Variants in XKR9 observed in about 807,000 individuals in gnomAD.
XKR9 encodes XK-related protein 9.
A neutral mutation model predicts 32.0 loss-of-function variants in XKR9; 32 were observed. The observed-to-expected ratio is 1.00, with a 90% CI of 0.76 to 1.34. The LOEUF is 1.34. Among genes scored for constraint, XKR9 ranks in the 40% most tolerant of loss-of-function variants. XKR9 has a pLI of 0.00. For synonymous variants in XKR9, 168 were observed against 143.4 expected (o/e 1.17, Z -1.22); for missense variants, 546 against 429.7 (o/e 1.27, Z -2.39).
chr8:70,888,909 T>A, the XKR9 span, among the ~76,000 whole-genome samples: 1 of 152,058 alleles, frequency 6.6e-6, no homozygotes. Flanking sequence ...TTTGGTCTTT[T>A]TGCTCAGCAT....
chr8:71,011,787 CTGTT>C, the XKR9 span, among the ~76,000 whole-genome samples: 1 of 152,178 alleles, frequency 6.6e-6, no homozygotes, highest in Admixed American at 6.5e-5. Context: ...TGGGGGGAAA[CTGTT>C]TGCCAAAAAT....
the XKR9 span, among the ~76,000 whole-genome samples, chr8:70,877,917 C>A: frequency 6.6e-6 from 1 of 152,164 alleles, no homozygotes; most frequent in Non-Finnish European, 1.5e-5. Context: ...AGAGAAAGGT[C>A]GAGTTACTCA....
intron 2 of XKR9, among the ~76,000 whole-genome samples, chr8:70,776,106 A>C (rs1240052991): frequency 1.3e-5 from 2 of 152,062 alleles, no homozygotes; most frequent in Non-Finnish European, 2.9e-5. Flanking sequence ...GCCCTGTTTC[A>C]CAAAATCAGT....
the XKR9 span, among the ~76,000 whole-genome samples, chr8:71,004,463 A>G: frequency 6.6e-6 from 1 of 152,228 alleles, no homozygotes; most frequent in South Asian, 2.1e-4. Flanking sequence ...AAACAATTGT[A>G]AGATGGGCCA....
At chr8:70,997,904 G>A in the XKR9 span, among the ~76,000 whole-genome samples, 1 of 152,128 alleles carries the variant, frequency 6.6e-6, no homozygotes, top group Admixed American at 6.5e-5. Flanking sequence ...GATTGGGATT[G>A]TTGCTAAAAG....
chr8:70,868,646 G>A, the XKR9 span, among the ~76,000 whole-genome samples: 1 of 152,128 alleles, frequency 6.6e-6, no homozygotes, highest in Admixed American at 6.5e-5. Flanking sequence ...TGTGATGGGA[G>A]GGGCTACCGT....
chr8:70,866,614 T>A, the XKR9 span, among the ~76,000 whole-genome samples: 10 of 151,954 alleles, frequency 6.6e-5, no homozygotes, highest in African/African-American at 9.7e-5. Flanking sequence ...TTTTTTTTTT[T>A]AATTTTAGAC....
intron 3 of XKR9, among the ~76,000 whole-genome samples, chr8:70,692,406 G>T (rs1805107394): frequency 1.3e-5 from 2 of 150,418 alleles, no homozygotes. Context: ...GATGCCCTTT[G>T]TTTTTTTTTC....
the XKR9 span, among the ~76,000 whole-genome samples, chr8:70,901,567 G>T: frequency 6.6e-6 from 1 of 152,136 alleles, no homozygotes; most frequent in Non-Finnish European, 1.5e-5. Context: ...TTAGCCCTTT[G>T]TCAGACAGGT....
chr8:70,919,013 G>C, the XKR9 span, among the ~76,000 whole-genome samples: 3 of 151,850 alleles, frequency 2.0e-5, no homozygotes, highest in Admixed American at 6.5e-5. Context: ...TCCTGACCTC[G>C]TGATCCACCC....
At chr8:70,756,224 T>C (rs1333475350) in intron 2 of XKR9, among the ~76,000 whole-genome samples, 2 of 152,222 alleles carry the variant, frequency 1.3e-5, no homozygotes, top group Non-Finnish European at 2.9e-5. Flanking sequence ...TCGACTACTC[T>C]ATATATCTGT....
the XKR9 span, among the ~76,000 whole-genome samples, chr8:70,839,013 T>G: frequency 6.6e-6 from 1 of 152,112 alleles, no homozygotes; most frequent in East Asian, 1.9e-4. Context: ...TTTTAAGTTT[T>G]GTACCTCCCA....
chr8:70,680,992 G>A lies in XKR9; in HGVS notation c.-67G>A. ...TATACCAAAGGGTATACTAATATTT[G>A]TTTGGCTTTTTTTCCCTTTTTGTGA... On this transcript the variant is annotated 5_prime_UTR_variant, in exon 3 of 5. Coordinates refer to ENST00000408926, the MANE Select transcript of XKR9 (RefSeq NM_001011720.2). 6.8e-7 allele frequency: 1 copy of A among 1,478,464 alleles called. No homozygotes were observed. Among genetic ancestry groups the A allele is most frequent in the Non-Finnish European group, 9.1e-7 (1 of 1,093,452 alleles). 91.6% of individuals were successfully genotyped at this position (1,478,464 alleles called of 1,614,324 possible). A position where few individuals can be genotyped will look rare whatever the true frequency, so the allele number is the denominator to read the frequency against.
chr8:71,014,354 G>A, the XKR9 span, among the ~76,000 whole-genome samples: 1 of 152,126 alleles, frequency 6.6e-6, no homozygotes, highest in Admixed American at 6.6e-5. Flanking sequence ...CAGTTCTGGA[G>A]GCCAGAAGTC....
the XKR9 span, among the ~76,000 whole-genome samples, chr8:70,908,598 A>G: frequency 6.6e-6 from 1 of 152,220 alleles, no homozygotes; most frequent in Admixed American, 6.5e-5. Context: ...CTTTGGAGCC[A>G]TATGGTCTTT....
chr8:70,794,334 C>A (rs1044345470), downstream of XKR9, among the ~76,000 whole-genome samples: 3 of 151,938 alleles, frequency 2.0e-5, no homozygotes, highest in Non-Finnish European at 4.4e-5. Flanking sequence ...CAATCTGGAT[C>A]CCTTTTATTT....
chr8:70,691,781 T>G (rs1805079308), intron 3 of XKR9, among the ~76,000 whole-genome samples: 1 of 152,228 alleles, frequency 6.6e-6, no homozygotes, highest in African/African-American at 2.4e-5. Context: ...TGTGTCTGTT[T>G]TTGTACTGGT....
chr8:70,799,092 A>G, the XKR9 span, among the ~76,000 whole-genome samples: 2 of 152,070 alleles, frequency 1.3e-5, no homozygotes, highest in Non-Finnish European at 2.9e-5. Flanking sequence ...AAAGAATGTT[A>G]TTGGTAGTTT....
chr8:70,775,671 T>G (rs1807508452), intron 2 of XKR9, among the ~76,000 whole-genome samples: 1 of 152,172 alleles, frequency 6.6e-6, no homozygotes, highest in Non-Finnish European at 1.5e-5. Flanking sequence ...ATTATACCTT[T>G]TATGTATTAA....
Sources: allele counts gnomAD v4.1 joint callset (sites outside exome capture counted in the v4.1 genomes callset), GRCh38; gene constraint gnomAD v4.1.1; transcripts MANE v1.5; gene names NCBI Gene and HGNC (gene_info 2026-07-23, HGNC 2026-07-21).